MAP2K2: variants seen among roughly 807,000 people sequenced by gnomAD.
MAP2K2 encodes the protein mitogen-activated protein kinase kinase 2.
Under a neutral mutation model 43.7 loss-of-function variants are expected in MAP2K2, and 24 were observed. The observed-to-expected ratio is 0.55, with a 90% confidence interval of 0.40 to 0.77. MAP2K2 has a LOEUF of 0.77. Among genes scored for constraint, MAP2K2 ranks in the 30% least tolerant of loss-of-function variants. The probability of loss-of-function intolerance (pLI) is 0.00; values close to 1 mark genes in which losing one functional copy is unlikely to be tolerated. For synonymous variants in MAP2K2, 244 were observed against 239.7 expected (o/e 1.02, Z -0.17); for missense variants, 470 against 566.8 (o/e 0.83, Z 1.73).
chr19:4,123,890 C>T lies in MAP2K2; in HGVS notation c.-15G>A. The T allele has an allele frequency of 1.4e-6, 2 of 1,404,960 alleles. No homozygotes were observed. The highest frequency in any genetic ancestry group is 1.5e-5 in the African/African-American group (1 of 67,566). The allele number at this position is 1,404,960 out of a possible 1,614,324, so 87.0% of individuals were successfully genotyped here. A position where few individuals can be genotyped will look rare whatever the true frequency, so the allele number is the denominator to read the frequency against. ...CGGGCCAGCATCGGGGCTCCGCGGG[C>T]CGGCGGCGGCGGCGCCTCTAGCCGG... On this transcript the variant is annotated 5_prime_UTR_variant, in exon 1 of 11. Transcript: ENST00000262948.
At chr19:4,103,874 G>GGT (rs2041050507) in intron 3 of MAP2K2, among the ~76,000 whole-genome samples, 1 of 152,230 alleles carries the variant, frequency 6.6e-6, no homozygotes, top group African/African-American at 2.4e-5. Flanking sequence ...CCCAGGAGGA[G>GGT]GTGCCAGGAC....
intron 6 of MAP2K2, chr19:4,100,251 A>G (rs1311802569): frequency 6.6e-6 from 1 of 151,808 alleles, no homozygotes; most frequent in Non-Finnish European, 1.5e-5. Flanking sequence ...GTCTCAAAAA[A>G]CAACAACAAC....
chr19:4,090,510 G>A lies in MAP2K2; in HGVS notation c.*88C>T, dbSNP rs1388341613. On this transcript the variant is annotated 3_prime_UTR_variant, in exon 11 of 11. Coordinates refer to ENST00000262948, the MANE Select transcript of MAP2K2 (RefSeq NM_030662.4). ...GGGGTGAGGCAGGAGGGTGGGTGGA[G>A]GCGCCAGCCTGTCCTCAGCTGGAAG... The A allele has an allele frequency of 5.2e-6, 6 of 1,156,888 alleles. No individual in the cohort carries two copies. The highest frequency in any genetic ancestry group is 7.6e-6 in the Non-Finnish European group (6 of 791,344). 71.7% of individuals were successfully genotyped at this position (1,156,888 alleles called of 1,614,324 possible). A position where few individuals can be genotyped will look rare whatever the true frequency, so the allele number is the denominator to read the frequency against.
chr19:4,099,854 G>A lies in MAP2K2; in HGVS notation c.706-440C>T, dbSNP rs907972717. 1.3e-5 allele frequency: 3 copies of A among 237,450 alleles called. 1 individual carries two copies. Among genetic ancestry groups the A allele is most frequent in the Non-Finnish European group, 2.5e-5 (3 of 119,160 alleles). The allele number at this position is 237,450 out of a possible 1,614,324, so 14.7% of individuals were successfully genotyped here. A position where few individuals can be genotyped will look rare whatever the true frequency, so the allele number is the denominator to read the frequency against. ...GGGCCGGGTGCAGTGGCCCATGCCT[G>A]TAATCCCAGCACTTTGGGAGGTTGA... is the stretch of plus-strand genomic sequence containing the variant. On this transcript the variant is annotated intron_variant, in intron 6 of 10. Coordinates refer to ENST00000262948, the MANE Select transcript of MAP2K2 (RefSeq NM_030662.4).
chr19:4,100,835 G>A (rs981124590), intron 6 of MAP2K2, 184 bp downstream of exon 6: 12 of 703,784 alleles, frequency 1.7e-5, no homozygotes, highest in Non-Finnish European at 2.6e-5. Context: ...GTGTGCCCAC[G>A]AAATAGTTGG....
At chr19:4,104,214 G>A (rs1388820532) in intron 3 of MAP2K2, among the ~76,000 whole-genome samples, 1 of 147,508 alleles carries the variant, frequency 6.8e-6, no homozygotes, top group Non-Finnish European at 1.5e-5. Context: ...GCTGTGAGTC[G>A]AGATCGTGCC....
intron 10 of MAP2K2, among the ~76,000 whole-genome samples, chr19:4,090,953 A>C (rs1481952260): frequency 6.6e-6 from 1 of 152,208 alleles, no homozygotes; most frequent in Non-Finnish European, 1.5e-5. Flanking sequence ...CGGGGACACC[A>C]CCAGCACGGC....
chr19:4,111,005 AG>A (rs1361261788), intron 2 of MAP2K2, among the ~76,000 whole-genome samples: 6 of 152,294 alleles, frequency 3.9e-5, no homozygotes, highest in African/African-American at 1.4e-4. Context: ...GTGAACCCTG[AG>A]GATGTCATGC....
At chr19:4,105,785 C>T (rs2041078609) in intron 3 of MAP2K2, among the ~76,000 whole-genome samples, 1 of 152,066 alleles carries the variant, frequency 6.6e-6, no homozygotes, top group Admixed American at 6.6e-5. Context: ...GCAGTCCTCC[C>T]ACCTCAGCTT....
chr19:4,100,905 G>A, intron 6 of MAP2K2, 114 bp downstream of exon 6: 1 of 1,237,458 alleles, frequency 8.1e-7, no homozygotes, highest in Non-Finnish European at 1.1e-6. Flanking sequence ...CAGCTGCGCA[G>A]GAGACATGGG....
At chr19:4,105,796 C>A (rs1208952814) in intron 3 of MAP2K2, among the ~76,000 whole-genome samples, 1 of 152,080 alleles carries the variant, frequency 6.6e-6, no homozygotes, top group African/African-American at 2.4e-5. Context: ...ACCTCAGCTT[C>A]CCAAGTAGCT....
chr19:4,091,111 A>T (rs1454763366), intron 10 of MAP2K2, among the ~76,000 whole-genome samples: 8 of 152,136 alleles, frequency 5.3e-5, no homozygotes, highest in Non-Finnish European at 1.2e-4. Flanking sequence ...CACCCACTCC[A>T]TGCCAGGGGC....
chr19:4,102,206 C>T (rs937513436), intron 4 of MAP2K2, among the ~76,000 whole-genome samples, 170 bp downstream of exon 4: 8 of 152,196 alleles, frequency 5.3e-5, no homozygotes, highest in South Asian at 2.1e-4. Flanking sequence ...CCAAAAGGGA[C>T]GTCACTTGTT....
At position 4,110,638 on chromosome 19, in the gene MAP2K2, G is replaced by C. The variant is rs2145070301; in HGVS notation, c.321C>G (p.Ile107Met). 4 of 1,613,284 alleles carry C rather than the reference G, an allele frequency of 2.5e-6. No homozygotes were observed. Among genetic ancestry groups the C allele is most frequent in the Non-Finnish European group, 3.4e-6 (4 of 1,179,928 alleles). ...TGATCTGGTTCCGGATGGCCGGCTT[G>C]ATCTCAAGGTGGATCAGCTGCAAGG... ...IMARKLIHLE[I>M]KPAIRNQIIR... Residue 107 changes from isoleucine to methionine, a missense_variant, in exon 3 of 11, where the codon ATC (isoleucine) becomes ATG (methionine). Physicochemically the swap from Ile to Met is conservative, Grantham distance 10. Transcript: ENST00000262948.
chr19:4,095,490 G>T, intron 8 of MAP2K2, 41 bp from the exon 9 acceptor site: 1 of 1,512,140 alleles, frequency 6.6e-7, no homozygotes, highest in Middle Eastern at 1.7e-4. Flanking sequence ...CCTGGGCATC[G>T]TCAGGGACCC....
At position 4,102,968 on chromosome 19, in the gene MAP2K2, G is replaced by A. The variant is rs572745169; in HGVS notation, c.451-515C>T. The A allele has an allele frequency of 8.5e-4, 942 of 1,104,462 alleles. 16 individuals are homozygous for A. The South Asian group carries it at 0.017, about 20-fold the overall frequency. 68.4% of individuals were successfully genotyped at this position (1,104,462 alleles called of 1,614,324 possible). ...CCCGCGTGGGAGGAGGCGGCGGGTC[G>A]CTGTGTGCCCGTCCAGACCCCCAGG... On this transcript the variant is annotated intron_variant, in intron 3 of 10. Coordinates refer to ENST00000262948, the MANE Select transcript of MAP2K2 (RefSeq NM_030662.4).
In MAP2K2 at chr19:4,114,610, C is replaced by G. The variant is rs115328320; in HGVS notation, c.303+2809G>C. On this transcript the variant is annotated intron_variant, in intron 2 of 10. Coordinates refer to ENST00000262948, the MANE Select transcript of MAP2K2 (RefSeq NM_030662.4). ...GCTCCAATGGGAGAGGGGTCAGAGG[C>G]CACGGTCAAGCCAAAAAGACATTTA... Among the ~76,000 whole-genome samples, 1,211 of 152,322 alleles carry G rather than the reference C, an allele frequency of 8.0e-3. 18 individuals are homozygous for G. The highest frequency in any genetic ancestry group is 0.028 in the African/African-American group (1,149 of 41,552).
intron 1 of MAP2K2, among the ~76,000 whole-genome samples, chr19:4,121,439 C>A (rs1252888370): frequency 6.6e-6 from 1 of 151,500 alleles, no homozygotes; most frequent in Non-Finnish European, 1.5e-5. Context: ...TGGGCACCGC[C>A]ACAAGCAGGA....
intron 10 of MAP2K2, among the ~76,000 whole-genome samples, chr19:4,093,370 C>A (rs1163364270): frequency 6.6e-6 from 1 of 152,068 alleles, no homozygotes; most frequent in Non-Finnish European, 1.5e-5. Context: ...GCATTCCAGC[C>A]TGGGGGACAG....
Sources: gnomAD v4.1 joint callset for allele counts (sites outside exome capture counted in the v4.1 genomes callset) on GRCh38, gnomAD v4.1.1 for gene constraint, MANE v1.5 for transcripts, NCBI Gene and HGNC (gene_info 2026-07-23, HGNC 2026-07-21) for gene names.